The following WASHC4 variants were observed in gnomAD, a reference collection of about 807,000 sequenced individuals.
WASHC4 encodes WASH complex subunit 4.
A neutral mutation model predicts 166.6 loss-of-function variants in WASHC4; 86 were observed. That is an observed-to-expected ratio of 0.52 (90% confidence interval 0.43 to 0.62). The LOEUF is 0.62. Ranked by LOEUF, WASHC4 falls within the 20% of genes least tolerant of loss-of-function variation. The probability of loss-of-function intolerance (pLI) is 0.00; values close to 1 mark genes in which losing one functional copy is unlikely to be tolerated. For missense variants in WASHC4, 1,262 were observed against 1,382.4 expected (o/e 0.91, Z 1.38); for synonymous variants, 446 against 451.6 (o/e 0.99, Z 0.16).
At chr12:105,119,475 C>T (rs889749628) in intron 7 of WASHC4, among the ~76,000 whole-genome samples, 10 of 152,186 alleles carry the variant, frequency 6.6e-5, no homozygotes, top group Non-Finnish European at 1.5e-4. Flanking sequence ...GTCACCAGCA[C>T]ATTCATTGTT....
chr12:105,118,819 CTT>C (rs1181352498), intron 7 of WASHC4, among the ~76,000 whole-genome samples: 1 of 152,132 alleles, frequency 6.6e-6, no homozygotes, highest in African/African-American at 2.4e-5. Context: ...TGTTCTCTCT[CTT>C]TATTCCTTTC....
intron 26 of WASHC4, 44 bp from the exon 27 acceptor site, chr12:105,156,680 TAG>T: frequency 6.9e-7 from 1 of 1,448,630 alleles, no homozygotes; most frequent in Non-Finnish European, 9.7e-7. Flanking sequence ...TATTAGAATT[TAG>T]AGTTATTTAT....
rs1401175381 is a variant in WASHC4 at position 105,168,355 on chromosome 12, G to T, written c.*1424G>T. On this transcript the variant is annotated 3_prime_UTR_variant, in exon 33 of 33. Transcript: ENST00000332180. The stretch of plus-strand genomic sequence containing the variant: ...ATTATGAACAGTGGATAGATTAAAG[G>T]CATTTAATATTTGTAATTCATAATA... The T allele has an allele frequency of 6.6e-6, 1 of 152,380 alleles. No individual in the cohort carries two copies. The highest frequency in any genetic ancestry group is 2.4e-5 in the African/African-American group (1 of 41,384). The allele number at this position is 152,380 out of a possible 1,614,324, so 9.4% of individuals were successfully genotyped here. A position where few individuals can be genotyped will look rare whatever the true frequency, so the allele number is the denominator to read the frequency against.
Position 105,168,692 on chromosome 12 carries a change from A to G in WASHC4, c.*1761A>G, listed in dbSNP as rs1245017840. ...TACCTACAGTTGAGAAGAAAATGAC[A>G]GACAATTATTTTTCCTTTAGGTCAA... On this transcript the variant is annotated 3_prime_UTR_variant, in exon 33 of 33. Coordinates refer to ENST00000332180, the MANE Select transcript of WASHC4 (RefSeq NM_015275.3). 1 of 152,086 alleles carries G rather than the reference A, an allele frequency of 6.6e-6. No homozygotes were observed. The highest frequency in any genetic ancestry group is 1.5e-5 in the Non-Finnish European group (1 of 67,940). 9.4% of individuals were successfully genotyped at this position (152,086 alleles called of 1,614,324 possible). A position where few individuals can be genotyped will look rare whatever the true frequency, so the allele number is the denominator to read the frequency against.
chr12:105,144,712 TGG>T lies in WASHC4; in HGVS notation c.2180-5_2180-4del. ...TTTCACAAGTTGAATTTTTTTTTTT[TGG>T]TAGCTTACGTAACTCACTACCTAGA... On this transcript the variant is annotated splice_polypyrimidine_tract_variant and splice_region_variant and intron_variant, in intron 21 of 32. Transcript: ENST00000332180. The T allele has an allele frequency of 6.2e-7, 1 of 1,608,676 alleles. No individual in the cohort carries two copies. The highest frequency in any genetic ancestry group is 8.5e-7 in the Non-Finnish European group (1 of 1,176,632).
chr12:105,133,714 C>G (rs1260974656), intron 13 of WASHC4, 56 bp from the exon 14 acceptor site: 6 of 1,477,656 alleles, frequency 4.1e-6, no homozygotes, highest in Non-Finnish European at 5.7e-6. Context: ...CAATCAGTAT[C>G]AAGAAATGGA....
At chr12:105,107,991 G>A in intron 1 of WASHC4, 130 bp downstream of exon 1, 5 of 702,994 alleles carry the variant, frequency 7.1e-6, no homozygotes, top group South Asian at 6.2e-5. Context: ...AGAGCCCTTG[G>A]GGTGTGCGAG....
Position 105,115,860 on chromosome 12 carries a change from G to A in WASHC4, c.435+132G>A, listed in dbSNP as rs1047222145. 3 of 689,000 alleles carry A rather than the reference G, an allele frequency of 4.4e-6. No individual in the cohort carries two copies. The African/African-American group carries it at 5.4e-5, about 12-fold the overall frequency. The allele number at this position is 689,000 out of a possible 1,614,324, so 42.7% of individuals were successfully genotyped here. ...GAGGATAAGACACTTAATTAGCATT[G>A]GATTATAGTTTAGGAGATCATAACT... On this transcript the variant is annotated intron_variant, in intron 6 of 32. Transcript: ENST00000332180.
In WASHC4 at chr12:105,148,280, T is replaced by C. The variant is rs1181856579; in HGVS notation, c.2514+1134T>C. The C allele has an allele frequency of 2.6e-5, 26 of 985,400 alleles. No individual in the cohort carries two copies. The South Asian group carries it at 1.0e-3, about 39-fold the overall frequency. The allele number at this position is 985,400 out of a possible 1,614,324, so 61.0% of individuals were successfully genotyped here. ...AAGAGTCATCCATGTAATGATCATG[T>C]TTGTACCTTTGAGGATAAATAAAAC... On this transcript the variant is annotated intron_variant, in intron 24 of 32. Coordinates refer to ENST00000332180, the MANE Select transcript of WASHC4 (RefSeq NM_015275.3).
intron 4 of WASHC4, 102 bp from the exon 5 acceptor site, chr12:105,115,082 T>C: frequency 3.1e-6 from 2 of 646,872 alleles, no homozygotes; most frequent in South Asian, 1.8e-5. Flanking sequence ...ATGCAAATGA[T>C]GTAGCCCTCT....
chr12:105,111,705 A>G (rs1015017194), intron 2 of WASHC4, among the ~76,000 whole-genome samples: 8 of 152,214 alleles, frequency 5.3e-5, no homozygotes, highest in African/African-American at 1.9e-4. Context: ...CTCATGCTAT[A>G]TAGATGTTAA....
At chr12:105,114,110 G>A in intron 2 of WASHC4, 106 bp from the exon 3 acceptor site, 1 of 942,746 alleles carries the variant, frequency 1.1e-6, no homozygotes, top group South Asian at 1.4e-5. Flanking sequence ...TTGAGTACAG[G>A]ATCTAACACA....
chr12:105,121,178 G>A lies in WASHC4; in HGVS notation c.639G>A (p.Leu213=), dbSNP rs1880706143. ...LDEIIDNHIT[L]KDHWTMYKRL... The stretch of plus-strand genomic sequence containing the variant: ...AAATTATTGATAATCATATCACACT[G>A]AAAGACCACTGGACTATGTACAAAA... The change falls in exon 9 of 33, where the codon CTG becomes CTA. Residue 213 remains leucine (L), a synonymous_variant. Transcript: ENST00000332180. The A allele has an allele frequency of 6.2e-7, 1 of 1,601,456 alleles. No individual in the cohort carries two copies. The highest frequency in any genetic ancestry group is 2.2e-5 in the East Asian group (1 of 44,754).
At chr12:105,161,704 A>G (rs1884507072) in intron 29 of WASHC4, among the ~76,000 whole-genome samples, 2 of 152,390 alleles carry the variant, frequency 1.3e-5, no homozygotes, top group South Asian at 4.1e-4. Context: ...ATGATTGATA[A>G]AAAATTCACA....
chr12:105,134,459 T>C (rs1566010122), intron 14 of WASHC4, among the ~76,000 whole-genome samples: 2 of 152,128 alleles, frequency 1.3e-5, no homozygotes, highest in African/African-American at 4.8e-5. Context: ...TTTCCCACTA[T>C]TGTGGATTTG....
At chr12:105,152,741 T>G (rs1488091462) in intron 26 of WASHC4, among the ~76,000 whole-genome samples, 1 of 152,202 alleles carries the variant, frequency 6.6e-6, no homozygotes, top group Non-Finnish European at 1.5e-5. Flanking sequence ...TGGTAAGTAC[T>G]TACTGAATAC....
Position 105,142,471 on chromosome 12 carries a change from CTGT to C in WASHC4, c.1811_1813del (p.Cys604del), listed in dbSNP as rs1882953045. 2 of 1,606,090 alleles carry C rather than the reference CTGT, an allele frequency of 1.2e-6. No individual in the cohort carries two copies. The highest frequency in any genetic ancestry group is 1.7e-6 in the Non-Finnish European group (2 of 1,173,626). ...ATTGTAGAGTCCAAACACAATGTGACTGTTGTTTTTTATACTGGCATCGAGCTG... is the reference window on the plus strand; with the variant it reads ...ATTGTAGAGTCCAAACACAATGTGACTGTTTTTTATACTGGCATCGAGCTG... On this transcript the variant is annotated inframe_deletion, in exon 19 of 33. Transcript: ENST00000332180.
chr12:105,119,954 G>A (rs1241446997), intron 7 of WASHC4, among the ~76,000 whole-genome samples: 1 of 152,140 alleles, frequency 6.6e-6, no homozygotes, highest in Non-Finnish European at 1.5e-5. Context: ...TTGGAGGCTG[G>A]GCGCGGTGGC....
intron 24 of WASHC4, chr12:105,148,524 A>G: frequency 1.6e-5 from 16 of 985,438 alleles, no homozygotes; most frequent in Non-Finnish European, 1.8e-5. Flanking sequence ...TGAGCATAGA[A>G]GGATAGAAAT....
Sources: allele counts gnomAD v4.1 joint callset (sites outside exome capture counted in the v4.1 genomes callset), GRCh38; gene constraint gnomAD v4.1.1; transcripts MANE v1.5; gene names NCBI Gene and HGNC (gene_info 2026-07-23, HGNC 2026-07-21).